Variants in PTK2 observed in about 807,000 individuals in gnomAD.
PTK2 encodes the protein focal adhesion kinase 1.
In PTK2, 45 loss-of-function variants were observed where a neutral mutation model predicts 150.1. The ratio of observed to expected loss-of-function variants is 0.30; its 90% CI spans 0.24 to 0.38. The LOEUF (loss-of-function observed/expected upper bound fraction) is 0.38, where lower values mean the gene tolerates loss of function less well. Ranked by LOEUF, PTK2 falls within the 10% of genes least tolerant of loss-of-function variation. The pLI is 1.00. For synonymous variants in PTK2, 432 were observed against 449.2 expected (o/e 0.96, Z 0.48); for missense variants, 919 against 1,307.3 (o/e 0.70, Z 4.58).
chr8:140,854,024 G>C (rs2100130991), intron 5 of PTK2, among the ~76,000 whole-genome samples: 8 of 152,140 alleles, frequency 5.3e-5, no homozygotes, highest in Admixed American at 5.2e-4. Context: ...ATAAAAGGAA[G>C]GTGACCAATA....
intron 2 of PTK2, among the ~76,000 whole-genome samples, chr8:140,904,852 T>C (rs2100160235): frequency 6.6e-6 from 1 of 152,190 alleles, no homozygotes; most frequent in African/African-American, 2.4e-5. Context: ...ATATCCCCTT[T>C]ATCATTTTTT....
chr8:140,716,755 C>A (rs545767127), intron 23 of PTK2, among the ~76,000 whole-genome samples: 1 of 152,224 alleles, frequency 6.6e-6, no homozygotes, highest in Non-Finnish European at 1.5e-5. Context: ...TTTAACTAGT[C>A]AAATATCAAA....
rs746307883 is a variant in PTK2, at chr8:140,659,428, T to G, written c.*38A>C. ...TGCTGGTGGAAGGCTAGAGAACATC[T>G]TCAAAAGAGGGTAGCAAGACGTGCT... On this transcript the variant is annotated 3_prime_UTR_variant, in exon 32 of 32. Coordinates refer to ENST00000522684, the Ensembl canonical transcript of PTK2. 7 of 1,562,100 alleles carry G rather than the reference T, an allele frequency of 4.5e-6. No homozygotes were observed. The East Asian group carries it at 1.6e-4, about 35-fold the overall frequency.
intron 3 of PTK2, among the ~76,000 whole-genome samples, chr8:140,889,519 A>T (rs1345919115): frequency 6.6e-6 from 1 of 152,096 alleles, no homozygotes; most frequent in Non-Finnish European, 1.5e-5. Context: ...ATGGACCACC[A>T]TGCCCGACCT....
chr8:140,853,345 C>A lies in PTK2; in HGVS notation c.451-6667G>T, dbSNP rs531837106. Among the ~76,000 whole-genome samples the A allele has an allele frequency of 2.9e-5, 3 of 103,684 alleles. No individual in the cohort carries two copies. In the South Asian group the frequency reaches 1.4e-3, roughly 48 times the overall value. The allele number at this position is 103,684 out of a possible 152,430, so 68.0% of individuals were successfully genotyped here. Reference sequence around the variant, plus strand: ...CCTAATGCTATCCCTCCCCCCTCCCCCCACCCCACGACAGGCCCCAGTGTG... The same window carrying A: ...CCTAATGCTATCCCTCCCCCCTCCCACCACCCCACGACAGGCCCCAGTGTG... On this transcript the variant is annotated intron_variant, in intron 5 of 31. Coordinates refer to ENST00000522684, the Ensembl canonical transcript of PTK2.
At chr8:140,912,003 C>A (rs936869742) in intron 2 of PTK2, among the ~76,000 whole-genome samples, 2 of 152,102 alleles carry the variant, frequency 1.3e-5, no homozygotes, top group Non-Finnish European at 2.9e-5. Flanking sequence ...GAGCCTGAGG[C>A]AGGAGGATCT....
intron 15 of PTK2, among the ~76,000 whole-genome samples, chr8:140,761,716 A>G (rs753986715): frequency 2.0e-5 from 3 of 152,146 alleles, no homozygotes; most frequent in Non-Finnish European, 4.4e-5. Context: ...AAATTATGTC[A>G]TAAGTAAACT....
chr8:140,811,734 G>C (rs1220916827), intron 10 of PTK2, among the ~76,000 whole-genome samples: 1 of 152,206 alleles, frequency 6.6e-6, no homozygotes, highest in South Asian at 2.1e-4. Context: ...CAACCTGATG[G>C]CGCTGAAAAG....
intron 10 of PTK2, among the ~76,000 whole-genome samples, chr8:140,816,338 A>T (rs1470408209): frequency 6.6e-6 from 1 of 152,246 alleles, no homozygotes; most frequent in African/African-American, 2.4e-5. Context: ...GTCCTGAAAC[A>T]CAATATCAAA....
At chr8:140,846,485 T>G (rs2100125545) in intron 6 of PTK2, 114 bp downstream of exon 6, 1 of 1,124,774 alleles carries the variant, frequency 8.9e-7, no homozygotes, top group Non-Finnish European at 1.3e-6. Context: ...TACTCAAATT[T>G]TATTCAGTAT....
chr8:140,979,975 T>C (rs1294411106), intron 1 of PTK2, among the ~76,000 whole-genome samples: 2 of 152,234 alleles, frequency 1.3e-5, no homozygotes, highest in African/African-American at 4.8e-5. Context: ...CAAGGAGTCA[T>C]TATATTAGTG....
intron 7 of PTK2, among the ~76,000 whole-genome samples, chr8:140,839,566 A>G (rs531374925): frequency 7.9e-4 from 120 of 152,374 alleles, no homozygotes; most frequent in African/African-American, 2.1e-3. Flanking sequence ...TGGAATGTCT[A>G]GAAATGAAAA....
At chr8:140,751,343 A>C (rs1336986750) in intron 17 of PTK2, among the ~76,000 whole-genome samples, 10 of 151,740 alleles carry the variant, frequency 6.6e-5, no homozygotes. Context: ...TAATTTTTTT[A>C]ATTTTTAAAT....
At chr8:140,867,224 C>A (rs1444602464) in intron 4 of PTK2, among the ~76,000 whole-genome samples, 1 of 152,052 alleles carries the variant, frequency 6.6e-6, no homozygotes, top group Non-Finnish European at 1.5e-5. Context: ...AGGGTATACA[C>A]CATGCAGAAG....
chr8:140,819,069 A>ACC, intron 8 of PTK2, 49 bp from the exon 9 acceptor site: 1 of 1,584,368 alleles, frequency 6.3e-7, no homozygotes, highest in Non-Finnish European at 8.6e-7. Context: ...GCAATGAGTA[A>ACC]AGACCACAAC....
At chr8:140,898,926 A>G (rs561943852) in intron 2 of PTK2, among the ~76,000 whole-genome samples, 38 of 152,352 alleles carry the variant, frequency 2.5e-4, no homozygotes, top group African/African-American at 7.7e-4. Context: ...AGCTAAATCA[A>G]AAGAAATTAT....
chr8:140,781,925 G>A (rs2100081925), intron 14 of PTK2, among the ~76,000 whole-genome samples: 1 of 152,214 alleles, frequency 6.6e-6, no homozygotes, highest in Non-Finnish European at 1.5e-5. Flanking sequence ...AATGGTGGGA[G>A]AGGGAGGGCT....
intron 12 of PTK2, among the ~76,000 whole-genome samples, chr8:140,796,231 T>G (rs2100091522): frequency 6.6e-6 from 1 of 152,198 alleles, no homozygotes. Flanking sequence ...TTGTGAGGCT[T>G]AACACTGCAT....
chr8:140,671,615 A>G (rs77102339), intron 29 of PTK2, among the ~76,000 whole-genome samples: 2,627 of 152,130 alleles, frequency 0.017, 80 homozygotes, highest in African/African-American at 0.06. Flanking sequence ...ATTTCATGTT[A>G]TTTAAAAATC....
Sources: gnomAD v4.1 joint callset for allele counts (sites outside exome capture counted in the v4.1 genomes callset) on GRCh38, gnomAD v4.1.1 for gene constraint, MANE v1.5 for transcripts, NCBI Gene and HGNC (gene_info 2026-07-23, HGNC 2026-07-21) for gene names.